SPRED2: variants seen among roughly 807,000 people sequenced by gnomAD.
SPRED2 encodes the protein sprouty related EVH1 domain containing 2, also known as sprouty-related, EVH1 domain-containing protein 2.
Under a neutral mutation model 43.0 loss-of-function variants are expected in SPRED2, and 47 were observed. That is an observed-to-expected ratio of 1.09 (90% CI 0.87 to 1.40). SPRED2 has a LOEUF of 1.40. Among genes scored for constraint, SPRED2 ranks in the 40% most tolerant of loss-of-function variants. The probability of loss-of-function intolerance (pLI) is 0.00; values close to 1 mark genes in which losing one functional copy is unlikely to be tolerated. For synonymous variants in SPRED2, 225 were observed against 225.7 expected, an observed-to-expected ratio of 1.00 and a Z score of 0.03; for missense variants, 561 against 586.4, an observed-to-expected ratio of 0.96 and a Z score of 0.45.
chr2:65,386,479 C>A (rs1183801352), intron 1 of SPRED2, among the ~76,000 whole-genome samples: 3 of 152,086 alleles, frequency 2.0e-5, no homozygotes, highest in African/African-American at 7.2e-5. Context: ...GGCATTGGTA[C>A]CATCTGTACT....
intron 1 of SPRED2, among the ~76,000 whole-genome samples, chr2:65,388,220 G>A (rs55945621): frequency 0.27 from 40,997 of 152,210 alleles, 6,895 homozygotes; most frequent in East Asian, 0.69. Flanking sequence ...TTAATAAAGC[G>A]TGTATGGGGA....
intron 4 of SPRED2, among the ~76,000 whole-genome samples, chr2:65,329,045 G>A (rs1384146730): frequency 6.6e-6 from 1 of 152,206 alleles, no homozygotes; most frequent in African/African-American, 2.4e-5. Context: ...CATTGTCTTG[G>A]TGCTTTGGTT....
intron 2 of SPRED2, among the ~76,000 whole-genome samples, chr2:65,340,528 A>C (rs1674146093): frequency 6.6e-6 from 1 of 152,238 alleles, no homozygotes; most frequent in Non-Finnish European, 1.5e-5. Context: ...GAGGTTTCTC[A>C]TAAGATTTGT....
intron 1 of SPRED2, among the ~76,000 whole-genome samples, chr2:65,406,155 A>C (rs17534885): frequency 1.3e-5 from 2 of 152,066 alleles, no homozygotes; most frequent in East Asian, 3.8e-4. Context: ...CTACCATGAG[A>C]TTATAAAAGC....
At chr2:65,406,273 T>A (rs1359509378) in intron 1 of SPRED2, among the ~76,000 whole-genome samples, 2 of 152,164 alleles carry the variant, frequency 1.3e-5, no homozygotes, top group Non-Finnish European at 2.9e-5. Context: ...CCAGGATTTC[T>A]TAATACTTGA....
At chr2:65,360,089 C>CAAAAAAAAAACA in intron 1 of SPRED2, among the ~76,000 whole-genome samples, 1 of 43,184 alleles carries the variant, frequency 2.3e-5, no homozygotes, top group African/African-American at 5.3e-5. Flanking sequence ...CAAAAAAAAA[C>CAAAAAAAAAACA]AAAAAAAAAA....
At chr2:65,410,861 C>T (rs1324253545) in intron 1 of SPRED2, among the ~76,000 whole-genome samples, 1 of 152,068 alleles carries the variant, frequency 6.6e-6, no homozygotes, top group Non-Finnish European at 1.5e-5. Context: ...GAGGGTCTAT[C>T]GTGAGACGGG....
At chr2:65,379,152 A>T (rs1249798270) in intron 1 of SPRED2, among the ~76,000 whole-genome samples, 1 of 152,208 alleles carries the variant, frequency 6.6e-6, no homozygotes, top group African/African-American at 2.4e-5. Flanking sequence ...GACCTACTTT[A>T]AAGCCAGATG....
chr2:65,319,592 A>C (rs1673351340), intron 4 of SPRED2, among the ~76,000 whole-genome samples: 1 of 152,042 alleles, frequency 6.6e-6, no homozygotes, highest in Non-Finnish European at 1.5e-5. Context: ...TTCACTATGG[A>C]TTCCTTCCAA....
chr2:65,366,775 G>A (rs1243206812), intron 1 of SPRED2: 15 of 1,357,884 alleles, frequency 1.1e-5, no homozygotes, highest in South Asian at 4.0e-5. Context: ...GCATTGTACC[G>A]GATGAGTCAT....
intron 1 of SPRED2, among the ~76,000 whole-genome samples, chr2:65,412,745 G>A (rs1336663421): frequency 6.6e-6 from 1 of 152,078 alleles, no homozygotes; most frequent in Non-Finnish European, 1.5e-5. Context: ...GAGACTTTAT[G>A]CTGCACTCTT....
intron 1 of SPRED2, among the ~76,000 whole-genome samples, chr2:65,359,357 C>T (rs745380850): frequency 1.3e-5 from 2 of 152,134 alleles, no homozygotes; most frequent in Non-Finnish European, 2.9e-5. Context: ...AGTTTTAACA[C>T]GTTAGTCTTA....
In SPRED2 at chr2:65,373,957, T is replaced by C. The variant is rs535072268; in HGVS notation, c.27-29061A>G. 6 of 152,290 alleles carry C rather than the reference T, an allele frequency of 3.9e-5. No individual in the cohort carries two copies. The East Asian group carries it at 9.6e-4, about 24-fold the overall frequency. 9.4% of individuals were successfully genotyped at this position (152,290 alleles called of 1,614,324 possible). A position where few individuals can be genotyped will look rare whatever the true frequency, so the allele number is the denominator to read the frequency against. Reference sequence around the variant, plus strand: ...AATTCACTACAGAAAATTTAGCAAATGCAAAGAAAAACATTCACCTGAAAT... The same window carrying C: ...AATTCACTACAGAAAATTTAGCAAACGCAAAGAAAAACATTCACCTGAAAT... On this transcript the variant is annotated intron_variant, in intron 1 of 5. Transcript: ENST00000356388.
At chr2:65,368,351 T>C (rs1436086182) in intron 1 of SPRED2, among the ~76,000 whole-genome samples, 3 of 152,240 alleles carry the variant, frequency 2.0e-5, no homozygotes, top group African/African-American at 7.2e-5. Flanking sequence ...TTGACAATTC[T>C]TTCCTCCTCA....
chr2:65,422,614 C>T (rs1676456105), intron 1 of SPRED2, among the ~76,000 whole-genome samples: 1 of 152,130 alleles, frequency 6.6e-6, no homozygotes, highest in African/African-American at 2.4e-5. Flanking sequence ...AATTTTGCAA[C>T]TGGGGCCTAA....
chr2:65,308,943 A>T (rs146218308), downstream of SPRED2, among the ~76,000 whole-genome samples: 1 of 152,156 alleles, frequency 6.6e-6, no homozygotes, highest in Non-Finnish European at 1.5e-5. Context: ...AGCTGAGGTC[A>T]GGAGTTTGAG....
chr2:65,371,528 C>G (rs958840085), intron 1 of SPRED2, among the ~76,000 whole-genome samples: 1 of 152,120 alleles, frequency 6.6e-6, no homozygotes, highest in African/African-American at 2.4e-5. Context: ...AAGGAGGCGG[C>G]GGAGGCAGAT....
At chr2:65,360,732 C>T (rs7608268) in intron 1 of SPRED2, among the ~76,000 whole-genome samples, 1,803 of 152,168 alleles carry the variant, frequency 0.012, 33 homozygotes, top group African/African-American at 0.04. Context: ...ATGATGAAAA[C>T]GTTCTAGAGA....
intron 1 of SPRED2, among the ~76,000 whole-genome samples, chr2:65,357,251 C>CA (rs1674679654): frequency 6.6e-6 from 1 of 152,146 alleles, no homozygotes; most frequent in South Asian, 2.1e-4. Flanking sequence ...CACAGATAAA[C>CA]AAACAACACA....
Sources: gnomAD v4.1 joint callset for allele counts (sites outside exome capture counted in the v4.1 genomes callset) on GRCh38, gnomAD v4.1.1 for gene constraint, MANE v1.5 for transcripts, NCBI Gene and HGNC (gene_info 2026-07-23, HGNC 2026-07-21) for gene names.